The following DLGAP1 variants were observed in gnomAD, a reference collection of about 807,000 sequenced individuals.
DLGAP1 encodes DLG associated protein 1.
DLGAP1 carries 11 observed loss-of-function variants against 90.8 expected under a neutral mutation model. That is an observed-to-expected ratio of 0.12 (90% CI 0.08 to 0.20). The LOEUF is 0.20. DLGAP1 is among the 10% of genes least tolerant of loss of function. The pLI is 1.00. For synonymous variants in DLGAP1, 558 were observed against 540.7 expected (o/e 1.03, Z -0.44); for missense variants, 1,050 against 1,333.8 (o/e 0.79, Z 3.31).
intron 10 of DLGAP1, among the ~76,000 whole-genome samples, chr18:3,511,276 G>T (rs1380179361): frequency 2.0e-5 from 2 of 98,994 alleles, no homozygotes; most frequent in African/African-American, 3.8e-5. Context: ...AGCTGTAATG[G>T]AGGTTTTTTT....
intron 3 of DLGAP1, among the ~76,000 whole-genome samples, chr18:3,927,528 T>C (rs925984572): frequency 6.6e-6 from 1 of 152,126 alleles, no homozygotes; most frequent in Non-Finnish European, 1.5e-5. Context: ...ATGAGCAGAG[T>C]AACTGGCTGC....
intron 1 of DLGAP1, among the ~76,000 whole-genome samples, chr18:4,170,189 C>G (rs896035480): frequency 1.5e-4 from 23 of 152,000 alleles, no homozygotes; most frequent in Admixed American, 1.2e-3. Context: ...TTTTCAATGC[C>G]AAGTCAACAG....
At chr18:3,992,044 G>T (rs1040934227) in intron 3 of DLGAP1, among the ~76,000 whole-genome samples, 1 of 152,136 alleles carries the variant, frequency 6.6e-6, no homozygotes, top group African/African-American at 2.4e-5. Context: ...TAAACAAGAT[G>T]AATCTAGATT....
At chr18:3,646,948 A>G (rs1388672001) in intron 7 of DLGAP1, among the ~76,000 whole-genome samples, 1 of 150,900 alleles carries the variant, frequency 6.6e-6, no homozygotes, top group Non-Finnish European at 1.5e-5. Flanking sequence ...AAATAAATAA[A>G]ATATATCTAT....
chr18:4,313,090 T>C lies in DLGAP1; in HGVS notation c.-267+141916A>G, dbSNP rs978738128. Among the ~76,000 whole-genome samples, 2 of 152,228 alleles carry C rather than the reference T, an allele frequency of 1.3e-5. 1 individual carries two copies. Among genetic ancestry groups the C allele is most frequent in the Non-Finnish European group, 2.9e-5 (2 of 68,044 alleles). ...TGCTTGTCATGTTTTCTGCAAGTCA[T>C]ATTCAGTCTTCCAACAAATGTTTAC... On this transcript the variant is annotated intron_variant, in intron 1 of 12. Coordinates refer to ENST00000315677, the MANE Select transcript of DLGAP1 (RefSeq NM_004746.4).
Position 3,676,908 on chromosome 18 carries a change from T to C in DLGAP1, c.1591+52227A>G, listed in dbSNP as rs768315843. 3.9e-5 allele frequency among the ~76,000 whole-genome samples: 6 copies of C among 152,314 alleles called. No homozygotes were observed. The East Asian group carries it at 1.2e-3, about 29-fold the overall frequency. ...ATGCAATCAATGTTCTCAGTTTTCA[T>C]GTGTATTGACATACTTTTTCTTTCC... On this transcript the variant is annotated intron_variant, in intron 7 of 12. Transcript: ENST00000315677.
chr18:4,297,778 T>C (rs1490226596), intron 1 of DLGAP1, among the ~76,000 whole-genome samples: 1 of 152,034 alleles, frequency 6.6e-6, no homozygotes, highest in Non-Finnish European at 1.5e-5. Context: ...CTCTCTCTCT[T>C]TCTCTATCTA....
At chr18:4,152,943 A>T (rs1445470622) in intron 1 of DLGAP1, among the ~76,000 whole-genome samples, 1 of 152,232 alleles carries the variant, frequency 6.6e-6, no homozygotes, top group Non-Finnish European at 1.5e-5. Flanking sequence ...ATTTCTAAAA[A>T]TATATAGAAC....
chr18:3,598,921 C>T (rs982214129), intron 7 of DLGAP1, among the ~76,000 whole-genome samples: 10 of 151,966 alleles, frequency 6.6e-5, no homozygotes, highest in South Asian at 2.1e-4. Flanking sequence ...TACAGGCGGG[C>T]GCCACCACAC....
intron 7 of DLGAP1, among the ~76,000 whole-genome samples, chr18:3,649,187 TC>T (rs1383936898): frequency 1.3e-5 from 2 of 152,234 alleles, no homozygotes; most frequent in Admixed American, 1.3e-4. Context: ...ATGAAATCAG[TC>T]TTCAGTCAGC....
chr18:3,638,243 G>A (rs1437393893), intron 7 of DLGAP1, among the ~76,000 whole-genome samples: 5 of 134,144 alleles, frequency 3.7e-5, no homozygotes, highest in South Asian at 2.6e-4. Context: ...CACCGTGCCC[G>A]GCCCTTTTTT....
At chr18:3,801,790 A>C (rs2066304901) in intron 5 of DLGAP1, among the ~76,000 whole-genome samples, 1 of 152,244 alleles carries the variant, frequency 6.6e-6, no homozygotes. Context: ...CAAGAAATGC[A>C]GCAAAAACCA....
At chr18:4,430,524 G>GTGTT (rs1442967697) in intron 1 of DLGAP1, 1 of 152,288 alleles carries the variant, frequency 6.6e-6, no homozygotes, top group Non-Finnish European at 1.5e-5. Context: ...GTGTGTGTGT[G>GTGTT]TGTGTGTGTG....
chr18:3,903,593 C>T (rs1219288542), intron 3 of DLGAP1, among the ~76,000 whole-genome samples: 1 of 152,140 alleles, frequency 6.6e-6, no homozygotes, highest in Non-Finnish European at 1.5e-5. Context: ...ATTCTCTTAA[C>T]CCTAGACACA....
rs576997784 is a variant in DLGAP1, at chr18:4,049,477, C to T, written c.-158-44276G>A. On this transcript the variant is annotated intron_variant, in intron 2 of 12. Transcript: ENST00000315677. ...GTGCTCCTTAACTGCTTGCCCAAGT[C>T]CAGCCTGCCACCATATCCCTGTTCT... Among the ~76,000 whole-genome samples the T allele has an allele frequency of 1.2e-4, 19 of 152,214 alleles. No homozygotes were observed. The East Asian group carries it at 3.5e-3, about 28-fold the overall frequency.
intron 11 of DLGAP1, among the ~76,000 whole-genome samples, chr18:3,508,327 AG>A (rs549946237): frequency 1.1e-3 from 170 of 152,316 alleles, no homozygotes; most frequent in Middle Eastern, 3.4e-3. Flanking sequence ...CAGTTACAAA[AG>A]AAGCAGGAAA....
intron 1 of DLGAP1, among the ~76,000 whole-genome samples, chr18:4,303,910 GT>G (rs1205887623): frequency 6.6e-6 from 1 of 152,164 alleles, no homozygotes; most frequent in East Asian, 1.9e-4. Flanking sequence ...GTTAGAACTG[GT>G]TTTGAAAAGT....
intron 2 of DLGAP1, among the ~76,000 whole-genome samples, chr18:4,041,001 G>A (rs1258698052): frequency 6.6e-6 from 1 of 152,128 alleles, no homozygotes; most frequent in African/African-American, 2.4e-5. Context: ...GAACAGACAT[G>A]GAGTCCTCAT....
At chr18:4,105,902 G>T (rs533961866) in intron 2 of DLGAP1, among the ~76,000 whole-genome samples, 41 of 151,810 alleles carry the variant, frequency 2.7e-4, no homozygotes, top group African/African-American at 9.9e-4. Context: ...CGTGGTGGCG[G>T]GCACCTGTAG....
Sources: gnomAD v4.1 joint callset for allele counts (sites outside exome capture counted in the v4.1 genomes callset) on GRCh38, gnomAD v4.1.1 for gene constraint, MANE v1.5 for transcripts, NCBI Gene and HGNC (gene_info 2026-07-23, HGNC 2026-07-21) for gene names.